NRXN3: variants seen among roughly 807,000 people sequenced by gnomAD.
NRXN3 encodes the protein neurexin 3.
A neutral mutation model predicts 137.6 loss-of-function variants in NRXN3; 32 were observed. The observed-to-expected ratio is 0.23, with a 90% CI of 0.18 to 0.31. The LOEUF (loss-of-function observed/expected upper bound fraction) is 0.31, where lower values mean the gene tolerates loss of function less well. NRXN3 is among the 10% of genes least tolerant of loss of function. The probability of loss-of-function intolerance (pLI) is 1.00; values close to 1 mark genes in which losing one functional copy is unlikely to be tolerated. For missense variants in NRXN3, 1,574 were observed against 2,062.5 expected, an observed-to-expected ratio of 0.76 and a Z score of 4.59; for synonymous variants, 798 against 784.5, an observed-to-expected ratio of 1.02 and a Z score of -0.29.
At chr14:78,782,679 G>A (rs2098774233) in intron 8 of NRXN3, among the ~76,000 whole-genome samples, 1 of 152,196 alleles carries the variant, frequency 6.6e-6, no homozygotes, top group Admixed American at 6.5e-5. Flanking sequence ...TGAGGAATGA[G>A]TTGAATAGTC....
At position 79,030,032 on chromosome 14, in the gene NRXN3, TTTTTC is replaced by T. The variant is rs1462320674; in HGVS notation, c.3262+41895_3262+41899del. On this transcript the variant is annotated intron_variant, in intron 15 of 20. Coordinates refer to ENST00000335750, the MANE Select transcript of NRXN3 (RefSeq NM_001330195.2). Reference sequence around the variant, plus strand: ...CGTCTAATTTTTTTTCTTCTTTTTTTTTTTCTTTCTTTCTTTCTTTTTTTTTTTTT... The same window carrying T: ...CGTCTAATTTTTTTTCTTCTTTTTTTTTTCTTTCTTTCTTTTTTTTTTTTT... 3.3e-4 allele frequency among the ~76,000 whole-genome samples: 49 copies of T among 149,678 alleles called. 1 individual carries two copies. Among genetic ancestry groups the T allele is most frequent in the African/African-American group, 1.2e-3 (46 of 39,890 alleles).
chr14:78,637,808 C>CT (rs1238094438), intron 4 of NRXN3, among the ~76,000 whole-genome samples: 5 of 152,000 alleles, frequency 3.3e-5, no homozygotes, highest in African/African-American at 7.2e-5. Flanking sequence ...TTTACAATTT[C>CT]TTTTTTTTGT....
At position 79,791,889 on chromosome 14, in the gene NRXN3, A is replaced by G. The variant is rs552837947; in HGVS notation, c.4015-13223A>G. Among the ~76,000 whole-genome samples, 12 of 152,334 alleles carry G rather than the reference A, an allele frequency of 7.9e-5. No homozygotes were observed. The South Asian group carries it at 2.1e-3, about 26-fold the overall frequency. On this transcript the variant is annotated intron_variant, in intron 19 of 20. Coordinates refer to ENST00000335750, the MANE Select transcript of NRXN3 (RefSeq NM_001330195.2). ...GCCGGTCACATTGCCAGCTCTCGCA[A>G]GGAGGAAGAGGGGAATGGATATTGA...
intron 4 of NRXN3, among the ~76,000 whole-genome samples, chr14:78,501,736 T>C (rs1000206702): frequency 7.9e-5 from 12 of 152,150 alleles, no homozygotes; most frequent in Non-Finnish European, 1.8e-4. Context: ...CTACCTCTTG[T>C]ACATTCATAG....
chr14:78,957,631 C>T (rs1468273922), intron 11 of NRXN3, among the ~76,000 whole-genome samples: 2 of 152,124 alleles, frequency 1.3e-5, no homozygotes, highest in Non-Finnish European at 1.5e-5. Context: ...GTCTGGAGAA[C>T]AGATGTAGGG....
intron 19 of NRXN3, among the ~76,000 whole-genome samples, chr14:79,763,875 C>T (rs967762014): frequency 1.3e-5 from 2 of 151,620 alleles, no homozygotes; most frequent in Non-Finnish European, 2.9e-5. Context: ...GGGGCACACA[C>T]ATTCAGATCA....
Position 79,834,093 on chromosome 14 carries a change from G to A in NRXN3, c.4094-27249G>A, listed in dbSNP as rs76313253. Among the ~76,000 whole-genome samples the A allele has an allele frequency of 2.3e-3, 346 of 152,224 alleles. 12 individuals are homozygous for A. In the East Asian group the frequency reaches 0.045, roughly 20 times the overall value. ...GTTTGTTATTAAAGTCCCATTGTATGAAAACAACTATATAGACAGACTGGC... is the reference window on the plus strand; with the variant it reads ...GTTTGTTATTAAAGTCCCATTGTATAAAAACAACTATATAGACAGACTGGC... On this transcript the variant is annotated intron_variant, in intron 20 of 20. Transcript: ENST00000335750.
At chr14:79,848,079 C>CA (rs912805345) in intron 20 of NRXN3, among the ~76,000 whole-genome samples, 5 of 151,934 alleles carry the variant, frequency 3.3e-5, no homozygotes, top group Non-Finnish European at 7.4e-5. Context: ...AATTGAAATA[C>CA]AAAAAAATAG....
In NRXN3 at chr14:78,352,420, A is replaced by G. The variant is rs576932096; in HGVS notation, c.757+54560A>G. On this transcript the variant is annotated intron_variant, in intron 4 of 20. Transcript: ENST00000335750. ...ACTGGGTAAGCACTACAAAGAAGCC[A>G]ACACTTTACCCTGCCCCCATGCCCA... Among the ~76,000 whole-genome samples the G allele has an allele frequency of 3.7e-4, 56 of 152,054 alleles. 1 individual carries two copies. The South Asian group carries it at 7.7e-3, about 21-fold the overall frequency.
At chr14:78,365,092 C>T (rs2085719432) in intron 4 of NRXN3, among the ~76,000 whole-genome samples, 1 of 151,900 alleles carries the variant, frequency 6.6e-6, no homozygotes, top group South Asian at 2.1e-4. Flanking sequence ...ATTCTTTTTA[C>T]ATTTTATATT....
At chr14:79,142,320 G>T (rs375523378) in intron 15 of NRXN3, among the ~76,000 whole-genome samples, 2 of 151,992 alleles carry the variant, frequency 1.3e-5, no homozygotes, top group African/African-American at 4.8e-5. Context: ...CAGCTAGTCC[G>T]GAGGCTGAGG....
intron 16 of NRXN3, among the ~76,000 whole-genome samples, chr14:79,534,047 C>T (rs1408042101): frequency 6.6e-6 from 1 of 152,164 alleles, no homozygotes; most frequent in Non-Finnish European, 1.5e-5. Flanking sequence ...GATTCTTCTT[C>T]CCATTCTTTT....
chr14:78,459,835 G>T (rs2094868307), intron 4 of NRXN3, among the ~76,000 whole-genome samples: 1 of 152,204 alleles, frequency 6.6e-6, no homozygotes, highest in African/African-American at 2.4e-5. Flanking sequence ...ATAGACACCA[G>T]CTGGGTGGCC....
intron 4 of NRXN3, among the ~76,000 whole-genome samples, chr14:78,340,271 C>T (rs1482628110): frequency 1.3e-5 from 2 of 152,196 alleles, no homozygotes; most frequent in African/African-American, 4.8e-5. Context: ...ACCAGTCCAG[C>T]CCTTGTTAGG....
At chr14:79,660,336 A>G (rs1220816665) in intron 16 of NRXN3, among the ~76,000 whole-genome samples, 2 of 152,118 alleles carry the variant, frequency 1.3e-5, no homozygotes, top group African/African-American at 2.4e-5. Context: ...ATGAAATTTT[A>G]TTACTGCAAA....
At chr14:79,413,470 T>C (rs1222689076) in intron 15 of NRXN3, among the ~76,000 whole-genome samples, 1 of 152,056 alleles carries the variant, frequency 6.6e-6, no homozygotes, top group African/African-American at 2.4e-5. Context: ...ATACCAATGT[T>C]GGTGCTGTAA....
intron 20 of NRXN3, among the ~76,000 whole-genome samples, chr14:79,818,063 T>TG (rs2099257572): frequency 7.0e-6 from 1 of 143,480 alleles, no homozygotes; most frequent in African/African-American, 2.6e-5. Flanking sequence ...TTTTTTTTTT[T>TG]TTTTTTTTTT....
chr14:78,614,861 A>G (rs2097332097), intron 4 of NRXN3: 3 of 443,198 alleles, frequency 6.8e-6, no homozygotes, highest in Non-Finnish European at 1.4e-5. Context: ...TTAGGGCACT[A>G]TAGTGGTAAT....
chr14:78,650,417 A>G (rs1443245262), intron 5 of NRXN3, among the ~76,000 whole-genome samples: 1 of 151,956 alleles, frequency 6.6e-6, no homozygotes, highest in Non-Finnish European at 1.5e-5. Flanking sequence ...TTCTGTGGGC[A>G]TTATTATTTT....
Sources: gnomAD v4.1 joint callset for allele counts (sites outside exome capture counted in the v4.1 genomes callset) on GRCh38, gnomAD v4.1.1 for gene constraint, MANE v1.5 for transcripts, NCBI Gene and HGNC (gene_info 2026-07-23, HGNC 2026-07-21) for gene names.